Variants in GPR39 observed in about 807,000 individuals in gnomAD.
GPR39 encodes the protein G protein-coupled receptor 39, also known as zinc sensing receptor.
GPR39 carries 23 observed loss-of-function variants against 18.4 expected under a neutral mutation model. That is an observed-to-expected ratio of 1.25 (90% CI 0.90 to 1.77). GPR39 has a LOEUF of 1.77. Among genes scored for constraint, GPR39 ranks in the 40% most tolerant of loss-of-function variants. The pLI is 0.00. For missense variants in GPR39, 647 were observed against 602.4 expected (o/e 1.07, Z -0.78); for synonymous variants, 280 against 257.9 (o/e 1.09, Z -0.82).
intron 1 of GPR39, among the ~76,000 whole-genome samples, chr2:132,437,291 A>G (rs1039217990): frequency 1.3e-5 from 2 of 152,238 alleles, no homozygotes; most frequent in Non-Finnish European, 2.9e-5. Context: ...TTCATTAACG[A>G]AAATGCCAAT....
chr2:132,565,662 G>C (rs1680338292), intron 1 of GPR39, among the ~76,000 whole-genome samples: 1 of 144,784 alleles, frequency 6.9e-6, no homozygotes, highest in African/African-American at 2.6e-5. Context: ...TTGATTTTTT[G>C]TTCTTGCGAT....
At chr2:132,644,808 A>G (rs916695578) in intron 1 of GPR39, 3 of 368,546 alleles carry the variant, frequency 8.1e-6, no homozygotes, top group African/African-American at 2.1e-5. Flanking sequence ...ACAAACACCA[A>G]TGAAAACATT....
At chr2:132,618,897 T>G (rs1312247472) in intron 1 of GPR39, among the ~76,000 whole-genome samples, 1 of 152,204 alleles carries the variant, frequency 6.6e-6, no homozygotes, top group Non-Finnish European at 1.5e-5. Flanking sequence ...GGGACCAGGA[T>G]GTGAAGGCTG....
chr2:132,567,882 C>A lies in GPR39; in HGVS notation c.857-77219C>A, dbSNP rs557789987. Reference sequence around the variant, plus strand: ...CTGATGGTTTTAAAAAGGGGAGTTTCCCTACACAAGCGCTCTTCTCTTGTC... The same window carrying A: ...CTGATGGTTTTAAAAAGGGGAGTTTACCTACACAAGCGCTCTTCTCTTGTC... On this transcript the variant is annotated intron_variant, in intron 1 of 1. Coordinates refer to ENST00000329321, the MANE Select transcript of GPR39 (RefSeq NM_001508.3). 3.1e-3 allele frequency among the ~76,000 whole-genome samples: 470 copies of A among 152,000 alleles called. 1 individual carries two copies. Among genetic ancestry groups the A allele is most frequent in the African/African-American group, 0.011 (442 of 41,314 alleles).
intron 1 of GPR39, among the ~76,000 whole-genome samples, chr2:132,573,322 C>A (rs11895345): frequency 0.15 from 22,609 of 152,092 alleles, 5,466 homozygotes; most frequent in African/African-American, 0.51. Context: ...TTTGGAGATC[C>A]CCCAATTCAC....
intron 1 of GPR39, among the ~76,000 whole-genome samples, chr2:132,612,619 A>G (rs1400088945): frequency 2.0e-5 from 3 of 152,182 alleles, no homozygotes; most frequent in Non-Finnish European, 4.4e-5. Flanking sequence ...TATGGTTCTA[A>G]AGTGTCACTG....
At chr2:132,450,476 G>T (rs1162927544) in intron 1 of GPR39, among the ~76,000 whole-genome samples, 3 of 152,184 alleles carry the variant, frequency 2.0e-5, no homozygotes, top group African/African-American at 7.2e-5. Context: ...TTTCTTATCT[G>T]CATATGGTTG....
intron 1 of GPR39, among the ~76,000 whole-genome samples, chr2:132,424,879 T>C (rs1434433992): frequency 6.6e-6 from 1 of 152,178 alleles, no homozygotes; most frequent in Non-Finnish European, 1.5e-5. Flanking sequence ...CTCTGGCCCT[T>C]GGTTTCTCCA....
chr2:132,611,497 G>T (rs982634924), intron 1 of GPR39, among the ~76,000 whole-genome samples: 8 of 152,182 alleles, frequency 5.3e-5, no homozygotes. Context: ...AGAAGGCTGG[G>T]AAGATACTAA....
At chr2:132,640,256 G>T (rs1681836657) in intron 1 of GPR39, among the ~76,000 whole-genome samples, 1 of 152,184 alleles carries the variant, frequency 6.6e-6, no homozygotes. Flanking sequence ...AAACCAAGCA[G>T]GCTGCCTCTA....
chr2:132,543,582 T>C (rs950105500), intron 1 of GPR39, among the ~76,000 whole-genome samples: 3 of 152,174 alleles, frequency 2.0e-5, no homozygotes, highest in African/African-American at 7.2e-5. Context: ...CCTGCCTACT[T>C]GGACTTTTCA....
intron 1 of GPR39, among the ~76,000 whole-genome samples, chr2:132,551,533 C>G (rs1380113333): frequency 6.6e-6 from 1 of 152,162 alleles, no homozygotes; most frequent in African/African-American, 2.4e-5. Flanking sequence ...GTTTGGAGTA[C>G]AAGCTTGATG....
chr2:132,635,136 G>C lies in GPR39; in HGVS notation c.857-9965G>C, dbSNP rs556341620. On this transcript the variant is annotated intron_variant, in intron 1 of 1. Coordinates refer to ENST00000329321, the MANE Select transcript of GPR39 (RefSeq NM_001508.3). ...TAAGTACAGAGATGGAAATGAGCCA[G>C]GCACTAGGCCCCAAGCTTGGAGGGC... is the stretch of plus-strand genomic sequence containing the variant. Among the ~76,000 whole-genome samples the C allele has an allele frequency of 3.9e-5, 6 of 152,298 alleles. No individual in the cohort carries two copies. In the East Asian group the frequency reaches 9.7e-4, roughly 25 times the overall value.
At chr2:132,634,906 A>C (rs1469620669) in intron 1 of GPR39, among the ~76,000 whole-genome samples, 1 of 152,228 alleles carries the variant, frequency 6.6e-6, no homozygotes, top group Non-Finnish European at 1.5e-5. Context: ...AAACAGAAAA[A>C]GAAATGAGTT....
chr2:132,628,042 A>G (rs569498855), intron 1 of GPR39, among the ~76,000 whole-genome samples: 17 of 152,214 alleles, frequency 1.1e-4, no homozygotes, highest in Admixed American at 3.9e-4. Flanking sequence ...CTCTACTCCT[A>G]TCATTCCACC....
In GPR39 at chr2:132,646,306, A is replaced by C; in HGVS notation, c.*700A>C. On this transcript the variant is annotated 3_prime_UTR_variant, in exon 2 of 2. Coordinates refer to ENST00000329321, the MANE Select transcript of GPR39 (RefSeq NM_001508.3). Reference sequence around the variant, plus strand: ...CTGTAACACAGACCCAAAGGAGCTGAGTTAACGTGCACCGGCAAAAGAATA... The same window carrying C: ...CTGTAACACAGACCCAAAGGAGCTGCGTTAACGTGCACCGGCAAAAGAATA... 1 of 1,402,336 alleles carries C rather than the reference A, an allele frequency of 7.1e-7. No individual in the cohort carries two copies. The highest frequency in any genetic ancestry group is 9.4e-7 in the Non-Finnish European group (1 of 1,061,926). 86.9% of individuals were successfully genotyped at this position (1,402,336 alleles called of 1,614,324 possible).
chr2:132,646,338 C>A lies in GPR39; in HGVS notation c.*732C>A. On this transcript the variant is annotated 3_prime_UTR_variant, in exon 2 of 2. Coordinates refer to ENST00000329321, the MANE Select transcript of GPR39 (RefSeq NM_001508.3). ...GTGCACCGGCAAAAGAATAGCTGTCCCTCTCAGCCCAAATCCAAACGGACA... is the reference window on the plus strand; with the variant it reads ...GTGCACCGGCAAAAGAATAGCTGTCACTCTCAGCCCAAATCCAAACGGACA... 1 of 1,214,012 alleles carries A rather than the reference C, an allele frequency of 8.2e-7. No homozygotes were observed. Among genetic ancestry groups the A allele is most frequent in the South Asian group, 2.1e-5 (1 of 46,582 alleles). The allele number at this position is 1,214,012 out of a possible 1,614,324, so 75.2% of individuals were successfully genotyped here.
Position 132,417,280 on chromosome 2 carries a change from A to T in GPR39, c.238A>T (p.Ile80Phe). The T allele has an allele frequency of 1.2e-6, 2 of 1,614,116 alleles. 1 individual carries two copies. The highest frequency in any genetic ancestry group is 2.2e-5 in the South Asian group (2 of 91,072). ...CATGGTGAGTTTGGCTTGCTCGGAC[A>T]TCTTGGTGTTCCTCATCGGCATGCC... is the stretch of plus-strand genomic sequence containing the variant. ...DHMVSLACSD[I>F]LVFLIGMPME... Residue 80 changes from isoleucine (I) to phenylalanine (F), a missense_variant, in exon 1 of 2, where the codon ATC becomes TTC. Physicochemically the swap from Ile to Phe is conservative, Grantham distance 21. Transcript: ENST00000329321.
At chr2:132,506,564 G>A (rs1199379314) in intron 1 of GPR39, among the ~76,000 whole-genome samples, 1 of 152,168 alleles carries the variant, frequency 6.6e-6, no homozygotes, top group Non-Finnish European at 1.5e-5. Flanking sequence ...TAGCTGGGGA[G>A]GCCTCAGGAA....
Sources: allele counts gnomAD v4.1 joint callset (sites outside exome capture counted in the v4.1 genomes callset), GRCh38; gene constraint gnomAD v4.1.1; transcripts MANE v1.5; gene names NCBI Gene and HGNC (gene_info 2026-07-23, HGNC 2026-07-21).